MPHOSPH8: variants seen among roughly 807,000 people sequenced by gnomAD.
MPHOSPH8 encodes M-phase phosphoprotein 8.
Under a neutral mutation model 87.3 loss-of-function variants are expected in MPHOSPH8, and 45 were observed. The ratio of observed to expected loss-of-function variants is 0.52; its 90% CI spans 0.41 to 0.66. The LOEUF (loss-of-function observed/expected upper bound fraction) is 0.66. Ranked by LOEUF, MPHOSPH8 falls within the 30% of genes least tolerant of loss-of-function variation. The pLI is 0.00. For missense variants in MPHOSPH8, 883 were observed against 1,020.2 expected (o/e 0.87, Z 1.83); for synonymous variants, 366 against 376.9 (o/e 0.97, Z 0.33).
At chr13:19,660,914 G>C in intron 7 of MPHOSPH8, 1 of 984,928 alleles carries the variant, frequency 1.0e-6, no homozygotes, top group South Asian at 4.7e-5. Flanking sequence ...ATTTTGTATG[G>C]TGCAAACTTT....
Position 19,639,367 on chromosome 13 carries a change from A to G in MPHOSPH8, c.214-2748A>G, listed in dbSNP as rs1043021327. Among the ~76,000 whole-genome samples the G allele has an allele frequency of 1.8e-4, 27 of 151,462 alleles. 1 individual carries two copies. The highest frequency in any genetic ancestry group is 1.6e-3 in the Admixed American group (24 of 15,204). ...GCTCTGTCACCCAGGCTGGAGTACA[A>G]TGGTGTGATCTCAGCTCACTGCAAC... On this transcript the variant is annotated intron_variant, in intron 1 of 13. Coordinates refer to ENST00000361479, the MANE Select transcript of MPHOSPH8 (RefSeq NM_017520.4).
chr13:19,670,286 G>C lies in MPHOSPH8; in HGVS notation c.2380G>C (p.Val794Leu), dbSNP rs750197758. The change falls in exon 12 of 14, where the codon GTT becomes CTT. Residue 794 changes from valine to leucine, a missense_variant. Around this residue, in one of 3 missense-constraint regions of MPHOSPH8, gnomAD observed 741 missense variants for 841.5 expected, o/e 0.88. Transcript: ENST00000361479. Reference sequence around the variant, plus strand: ...CCATGCAAACTTTTTGGGTAAAGAAGTTATTGCTCGGCTCTGTGGACCGTG... The same window carrying C: ...CCATGCAAACTTTTTGGGTAAAGAACTTATTGCTCGGCTCTGTGGACCGTG... ...IFHANFLGKE[V>L]IARLCGPCSV... 6.2e-7 allele frequency: 1 copy of C among 1,614,068 alleles called. No homozygotes were observed. The highest frequency in any genetic ancestry group is 8.5e-7 in the Non-Finnish European group (1 of 1,179,992).
intron 1 of MPHOSPH8, among the ~76,000 whole-genome samples, chr13:19,641,321 AT>A (rs35454448): frequency 0.78 from 83,418 of 106,340 alleles, 32,941 homozygotes; most frequent in South Asian, 0.89. Flanking sequence ...TGCCCAGCTA[AT>A]TTTTTTTTTT....
chr13:19,668,646 A>G (rs1875952859), intron 11 of MPHOSPH8, 115 bp downstream of exon 11: 6 of 1,181,246 alleles, frequency 5.1e-6, no homozygotes, highest in African/African-American at 1.6e-5. Context: ...ATTACGTGTA[A>G]TAATTCTGCA....
rs1182938476 is a variant in MPHOSPH8 at position 19,650,280 on chromosome 13, G to C, written c.1576+20G>C. The C allele has an allele frequency of 1.2e-6, 2 of 1,606,690 alleles. No homozygotes were observed. On this transcript the variant is annotated intron_variant, in intron 5 of 13. Transcript: ENST00000361479. ...ATTCAGGTGAGTTTGGAATCATTTTGCAGAATTTTTCAAGGTAGTGCACCA... is the reference window on the plus strand; with the variant it reads ...ATTCAGGTGAGTTTGGAATCATTTTCCAGAATTTTTCAAGGTAGTGCACCA...
At position 19,657,112 on chromosome 13, in the gene MPHOSPH8, ACT is replaced by A. The variant is rs1256997295; in HGVS notation, c.1577-1880_1577-1879del. Reference sequence around the variant, plus strand: ...ACTCCAGCCTGGGCAACAGCACAAAACTCTGTCTCAAAAAAAAAAAAAAAAAA... The same window carrying A: ...ACTCCAGCCTGGGCAACAGCACAAAACTGTCTCAAAAAAAAAAAAAAAAAA... On this transcript the variant is annotated intron_variant, in intron 5 of 13. Coordinates refer to ENST00000361479, the MANE Select transcript of MPHOSPH8 (RefSeq NM_017520.4). Among the ~76,000 whole-genome samples, 5 of 88,368 alleles carry A rather than the reference ACT, an allele frequency of 5.7e-5. No individual in the cohort carries two copies. In the East Asian group the frequency reaches 1.1e-3, roughly 19 times the overall value. 58.0% of individuals were successfully genotyped at this position (88,368 alleles called of 152,430 possible). A position where few individuals can be genotyped will look rare whatever the true frequency, so the allele number is the denominator to read the frequency against.
intron 2 of MPHOSPH8, 30 bp from the exon 3 acceptor site, chr13:19,646,409 TAATG>T (rs1347218054): frequency 1.5e-6 from 2 of 1,362,112 alleles, no homozygotes; most frequent in Non-Finnish European, 1.9e-6. Context: ...ATCAATATGT[TAATG>T]AATATTTTAA....
chr13:19,661,751 C>T lies in MPHOSPH8; in HGVS notation c.1845C>T (p.Asp615=). The T allele has an allele frequency of 6.2e-7, 1 of 1,612,604 alleles. No individual in the cohort carries two copies. Among genetic ancestry groups the T allele is most frequent in the Non-Finnish European group, 8.5e-7 (1 of 1,179,162 alleles). The change falls in exon 8 of 14, where the codon GAC becomes GAT. Residue 615 remains aspartate, a synonymous_variant. Transcript: ENST00000361479. The part of the protein sequence containing the change: ...VMLAAAGGQD[D]LLRLLITKGA... ...TTGCCGCCGCCGGAGGGCAGGACGA[C>T]CTCCTGCGACTCCTCATCACAAAAG... is the stretch of plus-strand genomic sequence containing the variant.
Position 19,668,362 on chromosome 13 carries a change from A to AT in MPHOSPH8, c.2175-6dup, listed in dbSNP as rs200437991. 1,432 of 1,567,286 alleles carry AT rather than the reference A, an allele frequency of 9.1e-4. 2 individuals are homozygous for AT. Among genetic ancestry groups the AT allele is most frequent in the African/African-American group, 7.8e-3 (576 of 73,510 alleles). The stretch of plus-strand genomic sequence containing the variant: ...TTCTACATTAACGTTAACACGTACT[A>AT]TTTTTTTTTCTTAGACTTTCAAGAG... On this transcript the variant is annotated splice_polypyrimidine_tract_variant and intron_variant, in intron 10 of 13. Coordinates refer to ENST00000361479, the MANE Select transcript of MPHOSPH8 (RefSeq NM_017520.4).
intron 1 of MPHOSPH8, among the ~76,000 whole-genome samples, 158 bp downstream of exon 1, chr13:19,634,119 C>T (rs920662222): frequency 3.3e-5 from 5 of 152,326 alleles, no homozygotes; most frequent in South Asian, 2.1e-4. Flanking sequence ...AGCGAAGTGA[C>T]ATTTCCAACT....
intron 9 of MPHOSPH8, among the ~76,000 whole-genome samples, chr13:19,665,583 CT>C (rs1170974572): frequency 6.6e-6 from 1 of 152,194 alleles, no homozygotes; most frequent in Non-Finnish European, 1.5e-5. Context: ...CCAGGCTCCC[CT>C]GATGGCAGAG....
chr13:19,646,344 G>A (rs940858658), intron 2 of MPHOSPH8, 99 bp from the exon 3 acceptor site: 5 of 1,060,554 alleles, frequency 4.7e-6, no homozygotes, highest in African/African-American at 3.3e-5. Context: ...ATTCTGCTTG[G>A]AACAAAAAAT....
intron 1 of MPHOSPH8, among the ~76,000 whole-genome samples, chr13:19,636,147 A>G (rs972014106): frequency 2.0e-5 from 3 of 152,212 alleles, no homozygotes; most frequent in Non-Finnish European, 4.4e-5. Context: ...GGACTAATAC[A>G]AAAGGTGTTA....
chr13:19,646,361 AC>A (rs1874562133), intron 2 of MPHOSPH8, 81 bp from the exon 3 acceptor site: 2 of 1,165,754 alleles, frequency 1.7e-6, no homozygotes, highest in Admixed American at 3.6e-5. Flanking sequence ...AAATATTCTT[AC>A]CAAATTTCAT....
intron 8 of MPHOSPH8, among the ~76,000 whole-genome samples, chr13:19,662,724 G>A (rs1286538337): frequency 1.3e-5 from 2 of 152,086 alleles, no homozygotes; most frequent in African/African-American, 2.4e-5. Flanking sequence ...TGAATAAATG[G>A]TATTTGTATT....
chr13:19,660,942 T>G, intron 7 of MPHOSPH8: 1 of 985,236 alleles, frequency 1.0e-6, no homozygotes, highest in Non-Finnish European at 1.2e-6. Context: ...CCTTTAGGAT[T>G]TAATACACAA....
chr13:19,637,246 G>A (rs1414681075), intron 1 of MPHOSPH8, among the ~76,000 whole-genome samples: 1 of 152,090 alleles, frequency 6.6e-6, no homozygotes, highest in East Asian at 1.9e-4. Context: ...CATCAATTAG[G>A]TCATATTTCA....
chr13:19,658,918 AC>A, intron 5 of MPHOSPH8, 76 bp from the exon 6 acceptor site: 1 of 1,558,666 alleles, frequency 6.4e-7, no homozygotes, highest in Non-Finnish European at 8.7e-7. Context: ...TTAAGACACC[AC>A]AAATTTCATA....
In MPHOSPH8 at chr13:19,670,336, T is replaced by C; in HGVS notation, c.2430T>C (p.Asn810=). The change falls in exon 12 of 14, where the codon AAT becomes AAC. Residue 810 remains asparagine, a synonymous_variant. Coordinates refer to ENST00000361479, the MANE Select transcript of MPHOSPH8 (RefSeq NM_017520.4). The part of the protein sequence containing the change: ...GPCSVQAVVL[N]DKFQLPVFLD... ...GTAGTGTACAAGCTGTAGTTCTGAA[T>C]GATAAATTTCAGCTTCCTGTTTTTC... 1.2e-6 allele frequency: 2 copies of C among 1,614,146 alleles called. No homozygotes were observed. The highest frequency in any genetic ancestry group is 1.7e-6 in the Non-Finnish European group (2 of 1,179,954).
Sources: gnomAD v4.1 joint callset for allele counts (sites outside exome capture counted in the v4.1 genomes callset) on GRCh38, gnomAD v4.1.1 for gene constraint, gnomAD v4.1.1 regional missense constraint, MANE v1.5 for transcripts, NCBI Gene and HGNC (gene_info 2026-07-23, HGNC 2026-07-21) for gene names.